SLC22A5: variants seen among roughly 807,000 people sequenced by gnomAD.
SLC22A5 encodes solute carrier family 22 member 5, also known as organic cation/carnitine transporter 2.
SLC22A5 carries 44 observed loss-of-function variants against 56.7 expected under a neutral mutation model. That is an observed-to-expected ratio of 0.78 (90% confidence interval 0.61 to 1.00). SLC22A5 has a LOEUF of 1.00. Ranked by LOEUF, SLC22A5 falls within the 50% of genes least tolerant of loss-of-function variation. The pLI is 0.00. For synonymous variants in SLC22A5, 278 were observed against 292.1 expected (o/e 0.95, Z 0.49); for missense variants, 675 against 723.0 (o/e 0.93, Z 0.76).
chr5:132,379,317 T>C (rs746685757), intron 2 of SLC22A5: 3 of 152,144 alleles, frequency 2.0e-5, no homozygotes, highest in Non-Finnish European at 2.9e-5. Flanking sequence ...CTTGGCCACA[T>C]GACACATGTG....
In SLC22A5 at chr5:132,394,371, T is replaced by G; in HGVS notation, c.*99T>G. 3 of 888,672 alleles carry G rather than the reference T, an allele frequency of 3.4e-6. No individual in the cohort carries two copies. The highest frequency in any genetic ancestry group is 5.8e-6 in the Non-Finnish European group (3 of 518,746). The allele number at this position is 888,672 out of a possible 1,614,324, so 55.0% of individuals were successfully genotyped here. ...GAGTCCTTCAGTGACAAAAGGCCTT[T>G]GCTGTTTGTCCTCTTGACCTGTGTC... On this transcript the variant is annotated 3_prime_UTR_variant, in exon 10 of 10. Transcript: ENST00000245407.
At chr5:132,370,429 C>A in intron 1 of SLC22A5, 64 bp downstream of exon 1, 1 of 1,546,132 alleles carries the variant, frequency 6.5e-7, no homozygotes, top group Non-Finnish European at 8.8e-7. Flanking sequence ...GTCCTTGAAC[C>A]CGAGCTCCTC....
Position 132,370,146 on chromosome 5 carries a change from G to T in SLC22A5, c.174G>T (p.Leu58=). The T allele has an allele frequency of 6.2e-7, 1 of 1,609,516 alleles. No homozygotes were observed. Among genetic ancestry groups the T allele is most frequent in the South Asian group, 1.1e-5 (1 of 90,738 alleles). ...HRCRVPDAAN[L]SSAWRNHTVP... ...GCCGGGTGCCGGACGCCGCGAACCT[G>T]AGCAGCGCCTGGCGCAACCACACTG... Residue 58 remains leucine (L), a synonymous_variant, in exon 1 of 10, where the codon CTG becomes CTT. Transcript: ENST00000245407.
At chr5:132,384,814 C>T (rs1752466507) in intron 3 of SLC22A5, among the ~76,000 whole-genome samples, 1 of 152,192 alleles carries the variant, frequency 6.6e-6, no homozygotes, top group East Asian at 1.9e-4. Context: ...TCAGAGTGCA[C>T]ACTGCAGGGC....
At chr5:132,377,161 T>A (rs1243987344) in intron 1 of SLC22A5, 2 of 152,378 alleles carry the variant, frequency 1.3e-5, no homozygotes, top group Non-Finnish European at 2.9e-5. Flanking sequence ...GTGTCCAGCC[T>A]GAGGGTTGCC....
At chr5:132,374,084 T>C (rs610735) in intron 1 of SLC22A5, among the ~76,000 whole-genome samples, 57,475 of 151,740 alleles carry the variant, frequency 0.38, 11,602 homozygotes, top group East Asian at 0.65. Flanking sequence ...TGCGTGGTGG[T>C]GGGTGCCTGT....
At chr5:132,375,665 A>T (rs915517430) in intron 1 of SLC22A5, among the ~76,000 whole-genome samples, 7 of 152,236 alleles carry the variant, frequency 4.6e-5, no homozygotes, top group Non-Finnish European at 1.0e-4. Flanking sequence ...TAAAAACTGC[A>T]TGTAGCTAAA....
intron 2 of SLC22A5, chr5:132,383,023 C>T (rs1268729650): frequency 3.9e-5 from 6 of 152,112 alleles, no homozygotes; most frequent in East Asian, 1.9e-4. Context: ...AAAATGAGCA[C>T]GGATACAGAA....
intron 2 of SLC22A5, chr5:132,382,509 C>T (rs946817563): frequency 6.6e-6 from 1 of 152,054 alleles, no homozygotes; most frequent in Admixed American, 6.6e-5. Flanking sequence ...TAATGTTGGT[C>T]TTCCGCACTA....
At chr5:132,379,067 G>A (rs779921519) in intron 2 of SLC22A5, 2 of 161,988 alleles carry the variant, frequency 1.2e-5, no homozygotes, top group African/African-American at 2.4e-5. Context: ...TTTCTTATAA[G>A]CAGGTTATTT....
rs755533900 is a variant in SLC22A5 at position 132,392,461 on chromosome 5, G to C, written c.1296G>C (p.Val432=). The C allele has an allele frequency of 4.3e-6, 7 of 1,614,124 alleles. No individual in the cohort carries two copies. The African/African-American group carries it at 9.3e-5, about 22-fold the overall frequency. The change falls in exon 8 of 10, where the codon GTG becomes GTC. Residue 432 remains valine (V), a synonymous_variant. Transcript: ENST00000245407. ...TGTATTATTTGGCTACAGTCCTGGT[G>C]ATGGTGGGCAAGTTTGGAGTCACGG... ...PDLYYLATVL[V]MVGKFGVTAA... is the part of the protein sequence containing the mutation.
In SLC22A5 at chr5:132,394,916, G is replaced by A. The variant is rs1223480526; in HGVS notation, c.*644G>A. The A allele has an allele frequency of 6.5e-6, 1 of 153,686 alleles. No homozygotes were observed. Among genetic ancestry groups the A allele is most frequent in the Non-Finnish European group, 1.4e-5 (1 of 69,048 alleles). The allele number at this position is 153,686 out of a possible 1,614,324, so 9.5% of individuals were successfully genotyped here. A position where few individuals can be genotyped will look rare whatever the true frequency, so the allele number is the denominator to read the frequency against. On this transcript the variant is annotated 3_prime_UTR_variant, in exon 10 of 10. Transcript: ENST00000245407. ...CTCAGCATGACGACTGAGTAGACTT[G>A]TTTACATCTGATCAAAGCACTGGGC...
chr5:132,386,521 G>A (rs1435476645), intron 4 of SLC22A5, among the ~76,000 whole-genome samples: 3 of 152,196 alleles, frequency 2.0e-5, no homozygotes, highest in African/African-American at 7.2e-5. Context: ...GTGAACCACT[G>A]CACCTGGCCA....
intron 4 of SLC22A5, among the ~76,000 whole-genome samples, chr5:132,386,222 CT>C (rs940274880): frequency 1.3e-5 from 1 of 78,708 alleles, no homozygotes; most frequent in South Asian, 1.0e-3. Context: ...TTTTCTTTTT[CT>C]TTTCTTTTTT....
At chr5:132,379,609 C>T (rs274564) in intron 2 of SLC22A5, 43,569 of 152,128 alleles carry the variant, frequency 0.29, 6,954 homozygotes, top group South Asian at 0.56. Context: ...CTCAGCCTCC[C>T]GAGTTGCTGG....
chr5:132,392,546 A>C lies in SLC22A5; in HGVS notation c.1381A>C (p.Met461Leu), dbSNP rs747001795. Reference protein sequence around the residue: ...AELYPTVVRNMGVGVSSTASR... With the variant: ...AELYPTVVRNLGVGVSSTASR... ...GCTGTATCCCACAGTGGTGAGAAAC[A>C]TGGGTGTGGGAGTCAGCTCCACAGC... The change falls in exon 8 of 10, where the codon ATG (methionine) becomes CTG (leucine). Residue 461 changes from methionine to leucine, a missense_variant. Met to Leu is a conservative substitution (Grantham distance 15). Coordinates refer to ENST00000245407, the MANE Select transcript of SLC22A5 (RefSeq NM_003060.4). 1 of 1,614,174 alleles carries C rather than the reference A, an allele frequency of 6.2e-7. No homozygotes were observed. Among genetic ancestry groups the C allele is most frequent in the South Asian group, 1.1e-5 (1 of 91,090 alleles).
chr5:132,388,352 G>C (rs959515129), intron 5 of SLC22A5, among the ~76,000 whole-genome samples: 2 of 152,200 alleles, frequency 1.3e-5, no homozygotes, highest in Non-Finnish European at 2.9e-5. Flanking sequence ...AGTGTGTTTA[G>C]ACGTGTGGTT....
At position 132,369,790 on chromosome 5, in the gene SLC22A5, A is replaced by C; in HGVS notation, c.-183A>C. 1 of 724,250 alleles carries C rather than the reference A, an allele frequency of 1.4e-6. No individual in the cohort carries two copies. The highest frequency in any genetic ancestry group is 2.0e-5 in the South Asian group (1 of 49,896). 44.9% of individuals were successfully genotyped at this position (724,250 alleles called of 1,614,324 possible). On this transcript the variant is annotated 5_prime_UTR_variant, in exon 1 of 10. The change abolishes an upstream ATG in the 5' untranslated region. Coordinates refer to ENST00000245407, the MANE Select transcript of SLC22A5 (RefSeq NM_003060.4). ...GCAACCTTCCCTGGTCGTGCGCCCT[A>C]TGTAAGGCCAGCCGCGGCAGGACCA...
intron 1 of SLC22A5, among the ~76,000 whole-genome samples, chr5:132,373,017 T>C (rs1751994027): frequency 6.6e-6 from 1 of 152,246 alleles, no homozygotes; most frequent in African/African-American, 2.4e-5. Flanking sequence ...CAAGTTAAAG[T>C]ACATACATGT....
Sources: allele counts gnomAD v4.1 joint callset (sites outside exome capture counted in the v4.1 genomes callset), GRCh38; gene constraint gnomAD v4.1.1; transcripts MANE v1.5; gene names NCBI Gene and HGNC (gene_info 2026-07-23, HGNC 2026-07-21).